VPS53: variants seen among roughly 807,000 people sequenced by gnomAD.
VPS53 encodes VPS53 subunit of GARP complex.
Under a neutral mutation model 107.0 loss-of-function variants are expected in VPS53, and 70 were observed. That is an observed-to-expected ratio of 0.65 (90% CI 0.54 to 0.80). The LOEUF (loss-of-function observed/expected upper bound fraction) is 0.80, where lower values mean the gene tolerates loss of function less well. Ranked by LOEUF, VPS53 falls within the 30% of genes least tolerant of loss-of-function variation. The pLI is 0.00. For missense variants in VPS53, 917 were observed against 1,049.4 expected, an observed-to-expected ratio of 0.87 and a Z score of 1.74; for synonymous variants, 409 against 393.3, an observed-to-expected ratio of 1.04 and a Z score of -0.47.
intron 10 of VPS53, among the ~76,000 whole-genome samples, chr17:623,897 C>A (rs543336356): frequency 6.6e-6 from 1 of 151,952 alleles, no homozygotes; most frequent in African/African-American, 2.4e-5. Flanking sequence ...AATCAGGGGT[C>A]ATGGATGATA....
At chr17:708,164 G>A (rs927764859) in intron 2 of VPS53, among the ~76,000 whole-genome samples, 10 of 152,158 alleles carry the variant, frequency 6.6e-5, no homozygotes, top group African/African-American at 1.2e-4. Context: ...AGCTGGGCCC[G>A]GGGCACCACT....
chr17:544,077 A>C (rs1458979867), intron 17 of VPS53, among the ~76,000 whole-genome samples: 1 of 151,904 alleles, frequency 6.6e-6, no homozygotes, highest in African/African-American at 2.4e-5. Flanking sequence ...TACCAGAAGG[A>C]AAGTTCATTA....
intron 11 of VPS53, among the ~76,000 whole-genome samples, chr17:612,477 T>C (rs1379023936): frequency 7.7e-6 from 1 of 130,524 alleles, no homozygotes; most frequent in Non-Finnish European, 1.6e-5. Flanking sequence ...TGTACAGATA[T>C]TCACAGCAGT....
chr17:703,448 G>T (rs1973282259), intron 2 of VPS53, among the ~76,000 whole-genome samples: 2 of 152,326 alleles, frequency 1.3e-5, no homozygotes, highest in South Asian at 4.1e-4. Flanking sequence ...TCATCAGTTA[G>T]TTCAGTGTCT....
intron 17 of VPS53, among the ~76,000 whole-genome samples, chr17:551,101 T>G (rs1911777059): frequency 6.6e-6 from 1 of 151,500 alleles, no homozygotes; most frequent in Admixed American, 6.6e-5. Context: ...GGTTTTTAAT[T>G]AACAAAAATG....
Position 597,995 on chromosome 17 carries a change from C to CCCTCTCCCTCTA in VPS53, c.1218+3799_1218+3800insTAGAGGGAGAGG, listed in dbSNP as rs1192322665. The stretch of plus-strand genomic sequence containing the variant: ...CTCCCCACGGTCTCCCTCTCCCTCT[C>CCCTCTCCCTCTA]TTTCCACGGTCTCCCTCTCATGCTG... On this transcript the variant is annotated intron_variant, in intron 12 of 21. Transcript: ENST00000437048. Among the ~76,000 whole-genome samples, 8 of 7,634 alleles carry CCCTCTCCCTCTA rather than the reference C, an allele frequency of 1.0e-3. No individual in the cohort carries two copies. The South Asian group carries it at 0.023, about 22-fold the overall frequency. The allele number at this position is 7,634 out of a possible 152,430, so 5.0% of individuals were successfully genotyped here.
chr17:688,752 T>C (rs1024204015), intron 4 of VPS53, among the ~76,000 whole-genome samples: 5 of 152,050 alleles, frequency 3.3e-5, no homozygotes, highest in African/African-American at 1.2e-4. Context: ...ACGTAAGAAA[T>C]CCTGGTTGGG....
Position 519,386 on chromosome 17 carries a change from CA to C in VPS53, c.2329-89del, listed in dbSNP as rs1343690524. ...GCGCAGTATCTGGATATGGGGTCAG[CA>C]GAGGCTCTGGAGACAGCATAGTTAC... On this transcript the variant is annotated intron_variant, in intron 21 of 21. Coordinates refer to ENST00000437048, the MANE Select transcript of VPS53 (RefSeq NM_001128159.3). The surrounding 1 kb of genome is among the most constrained non-coding windows in gnomAD (Gnocchi z 5.0). The C allele has an allele frequency of 3.0e-6, 4 of 1,325,132 alleles. No homozygotes were observed. In the African/African-American group the frequency reaches 6.0e-5, roughly 20 times the overall value. 82.1% of individuals were successfully genotyped at this position (1,325,132 alleles called of 1,614,324 possible).
rs773571871 is a variant in VPS53 at position 537,079 on chromosome 17, T to C, written c.1964A>G (p.Asn655Ser). The change falls in exon 18 of 22, where the codon AAC becomes AGC. Residue 655 changes from asparagine (N) to serine (S), a missense_variant. Transcript: ENST00000437048. ...IKQNVPIIRD[N>S]LASTRKYFTQ... ...GAAGTACTTGCGTGTGGAAGCCAGGTTGTCACGGATGATGGGGACGTTCTG... is the reference window on the plus strand; with the variant it reads ...GAAGTACTTGCGTGTGGAAGCCAGGCTGTCACGGATGATGGGGACGTTCTG... 9 of 1,614,164 alleles carry C rather than the reference T, an allele frequency of 5.6e-6. No homozygotes were observed. Among genetic ancestry groups the C allele is most frequent in the Non-Finnish European group, 6.8e-6 (8 of 1,180,032 alleles).
Position 623,578 on chromosome 17 carries a change from A to G in VPS53, c.1071T>C (p.Phe357=), listed in dbSNP as rs1969562215. The part of the protein sequence containing the change: ...AIQRTTNFEG[F]LAKRFSGCTL... Reference sequence around the variant, plus strand: ...TGCAGCCGGAGAAGCGTTTTGCAAGAAACCCCTCAAAGTTAGTTGTTCTTT... The same window carrying G: ...TGCAGCCGGAGAAGCGTTTTGCAAGGAACCCCTCAAAGTTAGTTGTTCTTT... The change falls in exon 11 of 22, where the codon TTT becomes TTC. Residue 357 remains phenylalanine, a synonymous_variant. Transcript: ENST00000437048. 6.2e-7 allele frequency: 1 copy of G among 1,613,826 alleles called. No homozygotes were observed. The highest frequency in any genetic ancestry group is 8.5e-7 in the Non-Finnish European group (1 of 1,179,768).
chr17:536,790 G>A (rs185322211), intron 18 of VPS53: 30 of 469,226 alleles, frequency 6.4e-5, no homozygotes, highest in African/African-American at 4.3e-4. Context: ...TGTCCAGCGC[G>A]ACGTCAGAGT....
chr17:646,149 A>G (rs1044846075), intron 7 of VPS53, among the ~76,000 whole-genome samples: 3 of 115,204 alleles, frequency 2.6e-5, no homozygotes, highest in African/African-American at 9.2e-5. Flanking sequence ...TCTGCCTGAT[A>G]AGGGTCTTAT....
At chr17:616,421 G>C (rs1002793862) in intron 11 of VPS53, 1 of 152,282 alleles carries the variant, frequency 6.6e-6, no homozygotes. Context: ...ACAATGAAGA[G>C]GGGATGATTT....
At chr17:686,373 AATCT>A (rs1404665310) in intron 4 of VPS53, among the ~76,000 whole-genome samples, 1 of 152,220 alleles carries the variant, frequency 6.6e-6, no homozygotes, top group Non-Finnish European at 1.5e-5. Flanking sequence ...AATGAAAAAA[AATCT>A]ATCTGCAGTC....
At chr17:549,209 A>G (rs1024493798) in intron 17 of VPS53, among the ~76,000 whole-genome samples, 1 of 152,222 alleles carries the variant, frequency 6.6e-6, no homozygotes, top group Non-Finnish European at 1.5e-5. Context: ...CATTATCACA[A>G]AAGTTTTTTT....
intron 2 of VPS53, among the ~76,000 whole-genome samples, chr17:709,809 G>C (rs2144019995): frequency 6.6e-6 from 1 of 152,228 alleles, no homozygotes; most frequent in African/African-American, 2.4e-5. Context: ...CATCTCCACA[G>C]GAAAATCACC....
rs11361535 is a variant in VPS53 at position 515,956 on chromosome 17, C to CTTTTTTTTTTTTTTTT, written c.*3156_*3171dup. On this transcript the variant is annotated 3_prime_UTR_variant, in exon 22 of 22. Coordinates refer to ENST00000437048, the MANE Select transcript of VPS53 (RefSeq NM_001128159.3). The stretch of plus-strand genomic sequence containing the variant: ...ATTACAGGCACCCGCCACCTGCCTG[C>CTTTTTTTTTTTTTTTT]TTTTTTTTTTTTTTTTTTTGTATTT... 9.9e-4 allele frequency: 109 copies of CTTTTTTTTTTTTTTTT among 109,556 alleles called. No individual in the cohort carries two copies. Among genetic ancestry groups the CTTTTTTTTTTTTTTTT allele is most frequent in the East Asian group, 2.4e-3 (8 of 3,304 alleles). 6.8% of individuals were successfully genotyped at this position (109,556 alleles called of 1,614,324 possible). A position where few individuals can be genotyped will look rare whatever the true frequency, so the allele number is the denominator to read the frequency against.
chr17:656,892 T>A, intron 5 of VPS53: 4 of 1,542,666 alleles, frequency 2.6e-6, no homozygotes, highest in Non-Finnish European at 3.6e-6. Flanking sequence ...CATCGTTTGT[T>A]GCCCTTGCCA....
chr17:672,226 G>A (rs139146787), intron 4 of VPS53, among the ~76,000 whole-genome samples: 6 of 118,462 alleles, frequency 5.1e-5, no homozygotes, highest in East Asian at 2.2e-4. Context: ...CTTTACTCCC[G>A]TCTTTGGCTT....
Sources: allele counts gnomAD v4.1 joint callset (sites outside exome capture counted in the v4.1 genomes callset), GRCh38; gene constraint gnomAD v4.1.1; non-coding constraint Gnocchi (gnomAD v3.1); transcripts MANE v1.5; gene names NCBI Gene and HGNC (gene_info 2026-07-23, HGNC 2026-07-21).